The following FAT3 variants were observed in gnomAD, a reference collection of about 807,000 sequenced individuals.
FAT3 encodes protocadherin Fat 3.
Under a neutral mutation model 310.2 loss-of-function variants are expected in FAT3, and 95 were observed. The observed-to-expected ratio is 0.31, with a 90% CI of 0.26 to 0.36. FAT3 has a LOEUF of 0.36. Among genes scored for constraint, FAT3 ranks in the 10% least tolerant of loss-of-function variants. FAT3 has a pLI of 1.00. For synonymous variants in FAT3, 2,314 were observed against 2,192.9 expected (o/e 1.06, Z -1.54); for missense variants, 5,408 against 5,715.6 (o/e 0.95, Z 1.74).
At chr11:92,712,029 G>A (rs1484872209) in intron 4 of FAT3, among the ~76,000 whole-genome samples, 1 of 152,140 alleles carries the variant, frequency 6.6e-6, no homozygotes, top group African/African-American at 2.4e-5. Flanking sequence ...ATAAACATTT[G>A]CCAAATGTGG....
chr11:92,798,339 G>A lies in FAT3; in HGVS notation c.5326G>A (p.Gly1776Ser). The A allele has an allele frequency of 6.2e-7, 1 of 1,613,600 alleles. No individual in the cohort carries two copies. Among genetic ancestry groups the A allele is most frequent in the Non-Finnish European group, 8.5e-7 (1 of 1,179,784 alleles). ...AGTTTTTCTCTTTTCTCAATACTCAGGCAGCCTAAGTGAGGCTGCCCCAAT... is the reference window on the plus strand; with the variant it reads ...AGTTTTTCTCTTTTCTCAATACTCAAGCAGCCTAAGTGAGGCTGCCCCAAT... ...APVFLFSQYS[G>S]SLSEAAPINS... The change falls in exon 10 of 28, where the codon GGC becomes AGC. Residue 1776 changes from glycine to serine, a missense_variant. Physicochemically the swap from Gly to Ser is moderately conservative, Grantham distance 56 (BLOSUM62 0). Around this residue, in one of 5 missense-constraint regions of FAT3, gnomAD observed 4,588 missense variants for 4,809.8 expected, o/e 0.95. Coordinates refer to ENST00000525166, the MANE Select transcript of FAT3 (RefSeq NM_001367949.2).
chr11:92,736,190 G>C (rs1346914016), intron 4 of FAT3, among the ~76,000 whole-genome samples: 1 of 152,158 alleles, frequency 6.6e-6, no homozygotes, highest in Non-Finnish European at 1.5e-5. Flanking sequence ...CAACCAAACT[G>C]TTGTGCTGAC....
chr11:92,843,253 G>T (rs929190956), intron 18 of FAT3, among the ~76,000 whole-genome samples: 1 of 152,100 alleles, frequency 6.6e-6, no homozygotes, highest in Non-Finnish European at 1.5e-5. Flanking sequence ...TCAGATACCT[G>T]CTCCATAAAC....
At chr11:92,855,256 C>T (rs1948941484) in intron 19 of FAT3, among the ~76,000 whole-genome samples, 1 of 152,184 alleles carries the variant, frequency 6.6e-6, no homozygotes. Context: ...AAGCTACTAG[C>T]TGTGGTTAGC....
intron 3 of FAT3, among the ~76,000 whole-genome samples, chr11:92,569,879 T>G (rs577594472): frequency 4.6e-5 from 7 of 152,276 alleles, no homozygotes; most frequent in African/African-American, 1.4e-4. Flanking sequence ...GAAAAGTGAT[T>G]TCCAACAGCT....
intron 1 of FAT3, among the ~76,000 whole-genome samples, chr11:92,347,500 A>AT (rs1420949459): frequency 2.0e-5 from 3 of 152,192 alleles, no homozygotes; most frequent in African/African-American, 7.2e-5. Flanking sequence ...GACCAGATTA[A>AT]TGTTGGCAGA....
intron 3 of FAT3, among the ~76,000 whole-genome samples, chr11:92,530,346 A>G (rs1954024661): frequency 6.6e-6 from 1 of 152,102 alleles, no homozygotes; most frequent in African/African-American, 2.4e-5. Context: ...AAGGTTCTAT[A>G]TGAAACAAAT....
intron 2 of FAT3, among the ~76,000 whole-genome samples, chr11:92,468,098 T>A (rs1227918097): frequency 6.6e-6 from 1 of 152,200 alleles, no homozygotes; most frequent in Non-Finnish European, 1.5e-5. Flanking sequence ...CTGAGTACAA[T>A]AGCCTCACTT....
intron 1 of FAT3, among the ~76,000 whole-genome samples, chr11:92,348,786 G>T (rs566271539): frequency 2.0e-5 from 3 of 152,234 alleles, no homozygotes; most frequent in African/African-American, 7.2e-5. Context: ...GATCTTTAAG[G>T]CTCCTTTGAA....
chr11:92,791,669 T>C (rs1229895532), intron 8 of FAT3, among the ~76,000 whole-genome samples: 1 of 152,210 alleles, frequency 6.6e-6, no homozygotes, highest in Non-Finnish European at 1.5e-5. Flanking sequence ...TGAAAACCCC[T>C]TTCTCTTTGA....
intron 13 of FAT3, among the ~76,000 whole-genome samples, chr11:92,818,419 G>T (rs2136229575): frequency 6.6e-6 from 1 of 152,256 alleles, no homozygotes; most frequent in African/African-American, 2.4e-5. Context: ...GAAGAAACTG[G>T]CTCTGTCCGT....
intron 3 of FAT3, among the ~76,000 whole-genome samples, chr11:92,654,118 A>G (rs1376546104): frequency 2.0e-5 from 3 of 152,200 alleles, no homozygotes; most frequent in Non-Finnish European, 4.4e-5. Flanking sequence ...GACTTTAGCT[A>G]TATTGTACCC....
At chr11:92,416,006 G>GT (rs112492227) in intron 2 of FAT3, among the ~76,000 whole-genome samples, 64 of 122,392 alleles carry the variant, frequency 5.2e-4, no homozygotes, top group African/African-American at 2.0e-3. Flanking sequence ...CTTTTGTTTT[G>GT]TTTTAAACCC....
chr11:92,745,582 GAAAAA>G (rs58851230), intron 4 of FAT3, among the ~76,000 whole-genome samples: 1 of 122,978 alleles, frequency 8.1e-6, no homozygotes, highest in Non-Finnish European at 1.7e-5. Context: ...TCTCTGCAGG[GAAAAA>G]AAAAAAAAAA....
intron 22 of FAT3, among the ~76,000 whole-genome samples, chr11:92,871,509 C>CT (rs1201702863): frequency 5.3e-5 from 8 of 152,294 alleles, no homozygotes; most frequent in African/African-American, 1.9e-4. Context: ...AACTTTGACT[C>CT]TTTTTTTCTT....
chr11:92,416,985 A>G (rs888399201), intron 2 of FAT3, among the ~76,000 whole-genome samples: 1 of 152,154 alleles, frequency 6.6e-6, no homozygotes, highest in African/African-American at 2.4e-5. Context: ...TGTGCTTTGG[A>G]AAATACCAGT....
At chr11:92,527,472 G>A (rs1161289645) in intron 3 of FAT3, among the ~76,000 whole-genome samples, 1 of 152,120 alleles carries the variant, frequency 6.6e-6, no homozygotes, top group African/African-American at 2.4e-5. Context: ...TTACTTATCT[G>A]GAAAATGAAA....
At chr11:92,302,758 T>C (rs112246675) in intron 1 of FAT3, among the ~76,000 whole-genome samples, 7 of 152,248 alleles carry the variant, frequency 4.6e-5, no homozygotes, top group African/African-American at 1.7e-4. Context: ...CATTTAACAA[T>C]TGTATGGTGT....
In FAT3 at chr11:92,353,748, A is replaced by G. The variant is rs763402792; in HGVS notation, c.1636A>G (p.Ile546Val). ...FESSPEIYRF[I>V]VRASDWGSPY... ...ATCCTCCCCAGAAATTTACAGATTC[A>G]TTGTTAGAGCCTCTGACTGGGGTTC... The change falls in exon 2 of 28, where the codon ATT becomes GTT. Residue 546 changes from isoleucine (I) to valine (V), a missense_variant. Ile to Val is a conservative substitution (Grantham distance 29, BLOSUM62 3). Around this residue, in one of 5 missense-constraint regions of FAT3, gnomAD observed 4,588 missense variants for 4,809.8 expected, o/e 0.95. Transcript: ENST00000525166. The G allele has an allele frequency of 1.3e-5, 21 of 1,613,762 alleles. No individual in the cohort carries two copies. Among genetic ancestry groups the G allele is most frequent in the Non-Finnish European group, 1.8e-5 (21 of 1,179,854 alleles).
Sources: allele counts gnomAD v4.1 joint callset (sites outside exome capture counted in the v4.1 genomes callset), GRCh38; gene constraint gnomAD v4.1.1; regional missense constraint gnomAD v4.1.1; transcripts MANE v1.5; gene names NCBI Gene and HGNC (gene_info 2026-07-23, HGNC 2026-07-21).